Variants in TRIM3 observed in about 807,000 individuals in gnomAD.
The protein encoded by TRIM3 is tripartite motif-containing protein 3.
In TRIM3, 13 loss-of-function variants were observed where a neutral mutation model predicts 66.6. The observed-to-expected ratio is 0.20, with a 90% CI of 0.13 to 0.31. The LOEUF is 0.31. Among genes scored for constraint, TRIM3 ranks in the 10% least tolerant of loss-of-function variants. The pLI is 1.00. For missense variants in TRIM3, 711 were observed against 1,020.4 expected (o/e 0.70, Z 4.13); for synonymous variants, 406 against 411.7 (o/e 0.99, Z 0.17).
chr11:6,458,180 CTGA>C lies in TRIM3; in HGVS notation c.245_247del (p.Ile82del). The stretch of plus-strand genomic sequence containing the variant: ...CTGCTGCATTGCCTCCATGAGGCTG[CTGA>C]TGAAGAAGTTGTTCTGCAGTGCCGA... On this transcript the variant is annotated inframe_deletion, in exon 3 of 12. Transcript: ENST00000345851. The surrounding 1 kb of genome is among the most constrained non-coding windows in gnomAD (Gnocchi z 6.2). The C allele has an allele frequency of 6.2e-7, 1 of 1,614,180 alleles. No homozygotes were observed. The highest frequency in any genetic ancestry group is 8.5e-7 in the Non-Finnish European group (1 of 1,180,044).
Position 6,451,388 on chromosome 11 carries a change from G to C in TRIM3, c.1584C>G (p.Arg528=). The C allele has an allele frequency of 6.2e-7, 1 of 1,614,208 alleles. No individual in the cohort carries two copies. ...QFKFRFGVRG[R]SPGQLQRPTG... ...TGGGGCGCTGCAGCTGCCCAGGTGA[G>C]CGTCCTCGGACCCCAAAACGGAACT... Residue 528 remains arginine (R), a synonymous_variant, in exon 8 of 12, where the codon CGC becomes CGG. Transcript: ENST00000345851.
At chr11:6,455,956 G>C in intron 7 of TRIM3, 116 bp downstream of exon 7, 1 of 649,742 alleles carries the variant, frequency 1.5e-6, no homozygotes, top group Non-Finnish European at 2.4e-6. Context: ...TTAAGGAACG[G>C]TACTATCTGT....
rs138597075 is a variant in TRIM3 at position 6,456,446 on chromosome 11, G to A, written c.1280C>T (p.Ser427Phe). The part of the protein sequence containing the change: ...RALRPGDLPP[S>F]PDDVKRRVKS... The stretch of plus-strand genomic sequence containing the variant: ...GACACGGCGCTTCACATCGTCCGGG[G>A]AAGGTGGCAGGTCCCCCGGACGCAG... The change falls in exon 6 of 12, where the codon TCC becomes TTC. Residue 427 changes from serine (S) to phenylalanine (F), a missense_variant. By Grantham distance (155) the Ser-to-Phe change is radical (BLOSUM62 -2). Transcript: ENST00000345851. This position sits in a 1 kb window ranked among gnomAD's most constrained non-coding sequence, Gnocchi z 6.4. 3.9e-6 allele frequency: 6 copies of A among 1,537,828 alleles called. No homozygotes were observed. The African/African-American group carries it at 6.9e-5, about 18-fold the overall frequency.
chr11:6,469,557 A>G (rs553531313), intron 1 of TRIM3, among the ~76,000 whole-genome samples: 2 of 152,144 alleles, frequency 1.3e-5, no homozygotes, highest in Admixed American at 6.5e-5. Flanking sequence ...CCTTTCTCAT[A>G]CTGCCTTCTG....
At chr11:6,451,167 G>C (rs1849702259) in intron 8 of TRIM3, 104 bp downstream of exon 8, 2 of 1,583,034 alleles carry the variant, frequency 1.3e-6, no homozygotes, top group Non-Finnish European at 1.7e-6. Context: ...CAGGGAGTAG[G>C]AGGAGGTAGG....
At position 6,457,335 on chromosome 11, in the gene TRIM3, C is replaced by A; in HGVS notation, c.657G>T (p.Leu219=). 6.2e-6 allele frequency: 10 copies of A among 1,614,180 alleles called. No individual in the cohort carries two copies. The highest frequency in any genetic ancestry group is 7.6e-6 in the Non-Finnish European group (9 of 1,180,034). The change falls in exon 5 of 12, where the codon CTG becomes CTT. Residue 219 remains leucine (L), a synonymous_variant. Transcript: ENST00000345851. The surrounding 1 kb of genome is among the most constrained non-coding windows in gnomAD (Gnocchi z 4.5). ...CACAAATGGTCTCCAGGTCGCTGAC[C>A]AGAGCCTGCTTGCGCTGCTGCAGTG... ...EQALQQRKQA[L]VSDLETICGA...
Position 6,450,682 on chromosome 11 carries a change from G to A in TRIM3, c.1871-61C>T. 3 of 1,536,848 alleles carry A rather than the reference G, an allele frequency of 2.0e-6. No individual in the cohort carries two copies. The South Asian group carries it at 3.4e-5, about 17-fold the overall frequency. ...GGGATGCTGAGTGGGATGGGGAAGA[G>A]TATCTGGGAAGATAAAAGCTAGGGT... On this transcript the variant is annotated intron_variant, in intron 9 of 11. Coordinates refer to ENST00000345851, the MANE Select transcript of TRIM3 (RefSeq NM_033278.4). This position sits in a 1 kb window ranked among gnomAD's most constrained non-coding sequence, Gnocchi z 4.8.
rs1429454305 is a variant in TRIM3, at chr11:6,457,155, C to T, written c.697-126G>A. 5 of 1,511,696 alleles carry T rather than the reference C, an allele frequency of 3.3e-6. No homozygotes were observed. The Admixed American group carries it at 8.9e-5, about 27-fold the overall frequency. 93.6% of individuals were successfully genotyped at this position (1,511,696 alleles called of 1,614,324 possible). Reference sequence around the variant, plus strand: ...CCTGTGGACAGAGGACACAGATGCCCACAGCACCTACCGAGGGCATGTCAG... The same window carrying T: ...CCTGTGGACAGAGGACACAGATGCCTACAGCACCTACCGAGGGCATGTCAG... On this transcript the variant is annotated intron_variant, in intron 5 of 11. Coordinates refer to ENST00000345851, the MANE Select transcript of TRIM3 (RefSeq NM_033278.4). The surrounding 1 kb of genome is among the most constrained non-coding windows in gnomAD (Gnocchi z 4.5).
At chr11:6,466,779 C>G (rs1265474469) in intron 1 of TRIM3, among the ~76,000 whole-genome samples, 1 of 152,064 alleles carries the variant, frequency 6.6e-6, no homozygotes, top group Non-Finnish European at 1.5e-5. Flanking sequence ...CCATGACTAC[C>G]CAGAGTCTGG....
intron 2 of TRIM3, among the ~76,000 whole-genome samples, chr11:6,462,882 C>T (rs1000103128): frequency 1.3e-5 from 2 of 150,698 alleles, no homozygotes; most frequent in African/African-American, 4.9e-5. Flanking sequence ...TATAGCAAGA[C>T]ACTCATCTCT....
chr11:6,464,430 C>T (rs1850360091), intron 2 of TRIM3, among the ~76,000 whole-genome samples: 1 of 152,218 alleles, frequency 6.6e-6, no homozygotes, highest in Non-Finnish European at 1.5e-5. Flanking sequence ...TTCCCTGATT[C>T]TCCAAACTAT....
At chr11:6,453,314 A>C (rs1478161486) in intron 7 of TRIM3, 1 of 152,210 alleles carries the variant, frequency 6.6e-6, no homozygotes, top group Non-Finnish European at 1.5e-5. Flanking sequence ...CCATCTACCC[A>C]GTCCACAAAG....
chr11:6,458,370 G>T lies in TRIM3; in HGVS notation c.132-74C>A. On this transcript the variant is annotated intron_variant, in intron 2 of 11. Transcript: ENST00000345851. The surrounding 1 kb of genome is among the most constrained non-coding windows in gnomAD (Gnocchi z 6.2). The stretch of plus-strand genomic sequence containing the variant: ...TGCACCCTTCCTTATACTTCCCATG[G>T]GTGCCAACCCCTTCCCTCACAGGTG... The T allele has an allele frequency of 7.9e-7, 1 of 1,260,836 alleles. No homozygotes were observed. 78.1% of individuals were successfully genotyped at this position (1,260,836 alleles called of 1,614,324 possible).
intron 7 of TRIM3, 175 bp from the exon 8 acceptor site, chr11:6,451,613 G>T (rs951858196): frequency 3.2e-6 from 2 of 634,046 alleles, no homozygotes; most frequent in African/African-American, 3.7e-5. Flanking sequence ...ATGCAACAGA[G>T]ATATGAATGG....
In TRIM3 at chr11:6,456,249, CCA is replaced by C; in HGVS notation, c.1429+46_1429+47del. On this transcript the variant is annotated intron_variant, in intron 6 of 11. Transcript: ENST00000345851. This position sits in a 1 kb window ranked among gnomAD's most constrained non-coding sequence, Gnocchi z 6.4. Reference sequence around the variant, plus strand: ...TCTTGAACCTCCCTTCCCTCCCCACCCACTACCTGAGCCTGGCCCATCTGGCT... The same window carrying C: ...TCTTGAACCTCCCTTCCCTCCCCACCCTACCTGAGCCTGGCCCATCTGGCT... The C allele has an allele frequency of 6.3e-7, 1 of 1,597,180 alleles. No homozygotes were observed.
intron 7 of TRIM3, chr11:6,451,656 G>A: frequency 1.8e-6 from 1 of 562,928 alleles, no homozygotes; most frequent in Non-Finnish European, 3.1e-6. Context: ...GAAGGGGAAT[G>A]GTGAGAAAAG....
chr11:6,468,568 A>C (rs1255638053), intron 1 of TRIM3, among the ~76,000 whole-genome samples: 2 of 152,218 alleles, frequency 1.3e-5, no homozygotes, highest in Non-Finnish European at 2.9e-5. Context: ...AACCAAAGAA[A>C]TCAACAGAAC....
In TRIM3 at chr11:6,451,254, G is replaced by A. The variant is rs1369904785; in HGVS notation, c.1701+17C>T. 1 of 1,613,974 alleles carries A rather than the reference G, an allele frequency of 6.2e-7. No homozygotes were observed. Among genetic ancestry groups the A allele is most frequent in the Non-Finnish European group, 8.5e-7 (1 of 1,179,944 alleles). On this transcript the variant is annotated intron_variant, in intron 8 of 11. Transcript: ENST00000345851. ...AGCTGGACACCAGGGTAAGTAAAGT[G>A]ACAGCAGGCCTCTCACCTTGAACTT...
In TRIM3 at chr11:6,471,692, T is replaced by C. The variant is rs146306442; in HGVS notation, c.-38+2099A>G. 7.1e-4 allele frequency among the ~76,000 whole-genome samples: 108 copies of C among 152,288 alleles called. 1 individual carries two copies. Among genetic ancestry groups the C allele is most frequent in the African/African-American group, 2.5e-3 (104 of 41,554 alleles). Reference sequence around the variant, plus strand: ...CTACAATGTGATAAGTACCATGATATTGACATGTTCAAATTGCTACAGCAG... The same window carrying C: ...CTACAATGTGATAAGTACCATGATACTGACATGTTCAAATTGCTACAGCAG... On this transcript the variant is annotated intron_variant, in intron 1 of 11. Coordinates refer to ENST00000345851, the MANE Select transcript of TRIM3 (RefSeq NM_033278.4).
Sources: allele counts gnomAD v4.1 joint callset (sites outside exome capture counted in the v4.1 genomes callset), GRCh38; gene constraint gnomAD v4.1.1; non-coding constraint Gnocchi (gnomAD v3.1); transcripts MANE v1.5; gene names NCBI Gene and HGNC (gene_info 2026-07-23, HGNC 2026-07-21).